MLLT3: variants seen among roughly 807,000 people sequenced by gnomAD.
The protein encoded by MLLT3 is MLLT3 super elongation complex subunit, also known as protein AF-9.
Under a neutral mutation model 53.2 loss-of-function variants are expected in MLLT3, and 4 were observed. The ratio of observed to expected loss-of-function variants is 0.08; its 90% confidence interval spans 0.04 to 0.17. The LOEUF is 0.17. MLLT3 is among the 10% of genes least tolerant of loss of function. MLLT3 has a pLI of 1.00. For missense variants in MLLT3, 569 were observed against 684.0 expected (o/e 0.83, Z 1.87); for synonymous variants, 283 against 230.6 (o/e 1.23, Z -2.06).
At position 20,621,029 on chromosome 9, in the gene MLLT3, G is replaced by C. The variant is rs371542445; in HGVS notation, c.13-195C>G. The C allele has an allele frequency of 4.9e-3, 3,572 of 734,456 alleles. 86 individuals carry two copies. The African/African-American group carries it at 0.051, about 11-fold the overall frequency. The allele number at this position is 734,456 out of a possible 1,614,324, so 45.5% of individuals were successfully genotyped here. ...CAAATATACCCGCCCGCCCGGCCCGGCTTGGCCCCAGGCGCCCCGGGCCCC... is the reference window on the plus strand; with the variant it reads ...CAAATATACCCGCCCGCCCGGCCCGCCTTGGCCCCAGGCGCCCCGGGCCCC... On this transcript the variant is annotated intron_variant, in intron 1 of 10. Coordinates refer to ENST00000380338, the MANE Select transcript of MLLT3 (RefSeq NM_004529.4). This position sits in a 1 kb window ranked among gnomAD's most constrained non-coding sequence, Gnocchi z 7.0.
intron 2 of MLLT3, among the ~76,000 whole-genome samples, chr9:20,615,890 A>G (rs1285824051): frequency 1.3e-5 from 2 of 148,766 alleles, no homozygotes; most frequent in African/African-American, 4.9e-5. Flanking sequence ...AAAAAAAAAA[A>G]AGAAAAGAAA....
At chr9:20,534,649 C>A (rs58038501) in intron 2 of MLLT3, among the ~76,000 whole-genome samples, 1 of 152,206 alleles carries the variant, frequency 6.6e-6, no homozygotes, top group South Asian at 2.1e-4. Flanking sequence ...AACTTTGGGA[C>A]GCCAAGGCGG....
intron 5 of MLLT3, among the ~76,000 whole-genome samples, chr9:20,381,167 G>C (rs908087011): frequency 1.3e-5 from 2 of 151,924 alleles, no homozygotes; most frequent in Non-Finnish European, 2.9e-5. Context: ...TAAACCTTTA[G>C]ATATTTCCAC....
At chr9:20,427,294 C>T (rs1002547548) in intron 4 of MLLT3, among the ~76,000 whole-genome samples, 4 of 148,928 alleles carry the variant, frequency 2.7e-5, no homozygotes, top group South Asian at 2.1e-4. Context: ...GAAACAAATA[C>T]GACTTTAAGA....
intron 2 of MLLT3, among the ~76,000 whole-genome samples, chr9:20,565,164 C>T (rs1819317208): frequency 6.6e-6 from 1 of 151,638 alleles, no homozygotes; most frequent in East Asian, 1.9e-4. Context: ...TAGTTTTCTC[C>T]CACCAATTGG....
intron 2 of MLLT3, among the ~76,000 whole-genome samples, chr9:20,497,361 G>A (rs1825103523): frequency 6.6e-6 from 1 of 151,998 alleles, no homozygotes; most frequent in Non-Finnish European, 1.5e-5. Flanking sequence ...TATATACCCA[G>A]GAAACCATCA....
intron 5 of MLLT3, among the ~76,000 whole-genome samples, chr9:20,401,981 G>A (rs2118747104): frequency 6.6e-6 from 1 of 152,220 alleles, no homozygotes; most frequent in East Asian, 1.9e-4. Context: ...TGGCGTTGAA[G>A]AAGATGTAAA....
intron 4 of MLLT3, among the ~76,000 whole-genome samples, chr9:20,422,687 A>G (rs1246340982): frequency 1.3e-5 from 2 of 152,188 alleles, no homozygotes; most frequent in East Asian, 1.9e-4. Context: ...TTTATTAGGA[A>G]AGACAGGCCT....
chr9:20,407,451 G>A (rs895722269), intron 5 of MLLT3, among the ~76,000 whole-genome samples: 15 of 152,250 alleles, frequency 9.9e-5, no homozygotes, highest in Admixed American at 3.9e-4. Context: ...ATCCACCTAT[G>A]AGGACAACCT....
chr9:20,363,698 A>G, intron 6 of MLLT3, 93 bp from the exon 7 acceptor site: 1 of 1,178,026 alleles, frequency 8.5e-7, no homozygotes, highest in South Asian at 1.9e-5. Flanking sequence ...AGCACTGAAC[A>G]CTGGTTAAAA....
At chr9:20,476,355 C>G (rs1824521089) in intron 2 of MLLT3, among the ~76,000 whole-genome samples, 1 of 152,062 alleles carries the variant, frequency 6.6e-6, no homozygotes, top group Non-Finnish European at 1.5e-5. Context: ...TACAGAGACC[C>G]TGAGACAGCA....
At chr9:20,527,666 G>A (rs911714659) in intron 2 of MLLT3, among the ~76,000 whole-genome samples, 1 of 152,146 alleles carries the variant, frequency 6.6e-6, no homozygotes, top group African/African-American at 2.4e-5. Flanking sequence ...CCTGGGAACT[G>A]AAGACAAAAA....
At chr9:20,599,722 A>G (rs1393296861) in intron 2 of MLLT3, among the ~76,000 whole-genome samples, 1 of 152,182 alleles carries the variant, frequency 6.6e-6, no homozygotes, top group African/African-American at 2.4e-5. Flanking sequence ...ATAATCTATC[A>G]TCCAAAGAGC....
intron 2 of MLLT3, among the ~76,000 whole-genome samples, chr9:20,460,772 G>T (rs1162796323): frequency 6.6e-6 from 1 of 152,212 alleles, no homozygotes; most frequent in Non-Finnish European, 1.5e-5. Context: ...TCCAAAAGAA[G>T]TGGTGAGTTG....
chr9:20,561,971 A>G (rs943146223), intron 2 of MLLT3, among the ~76,000 whole-genome samples: 4 of 152,022 alleles, frequency 2.6e-5, no homozygotes, highest in African/African-American at 9.7e-5. Flanking sequence ...AGATTAGGGA[A>G]CAGAAGTAAG....
At chr9:20,458,492 T>C (rs1286396579) in intron 2 of MLLT3, among the ~76,000 whole-genome samples, 1 of 152,170 alleles carries the variant, frequency 6.6e-6, no homozygotes, top group African/African-American at 2.4e-5. Flanking sequence ...AACTGAATGT[T>C]TGTATTCCCC....
intron 2 of MLLT3, among the ~76,000 whole-genome samples, chr9:20,560,915 G>A (rs1819193027): frequency 6.6e-6 from 1 of 152,068 alleles, no homozygotes; most frequent in African/African-American, 2.4e-5. Context: ...CTACGTATTG[G>A]TAACATTTCA....
intron 4 of MLLT3, among the ~76,000 whole-genome samples, chr9:20,430,236 G>A (rs1017893858): frequency 6.6e-6 from 1 of 152,066 alleles, no homozygotes; most frequent in Non-Finnish European, 1.5e-5. Flanking sequence ...TCATAGATGA[G>A]AATATTCTTC....
rs1010267927 is a variant in MLLT3 at position 20,391,555 on chromosome 9, A to G, written c.1125+22166T>C. Among the ~76,000 whole-genome samples, 12 of 152,346 alleles carry G rather than the reference A, an allele frequency of 7.9e-5. No individual in the cohort carries two copies. In the Middle Eastern group the frequency reaches 0.01, roughly 130 times the overall value. ...CGGATCAAAGAGCAGCCTGAAACAC[A>G]GGGAATCATCATCTCATCTCACCTA... On this transcript the variant is annotated intron_variant, in intron 5 of 10. Coordinates refer to ENST00000380338, the MANE Select transcript of MLLT3 (RefSeq NM_004529.4).
Sources: allele counts gnomAD v4.1 joint callset (sites outside exome capture counted in the v4.1 genomes callset), GRCh38; gene constraint gnomAD v4.1.1; non-coding constraint Gnocchi (gnomAD v3.1); transcripts MANE v1.5; gene names NCBI Gene and HGNC (gene_info 2026-07-23, HGNC 2026-07-21).